NHS: variants seen among roughly 807,000 people sequenced by gnomAD.
NHS encodes the protein NHS actin remodeling regulator.
In NHS, 5 loss-of-function variants were observed where a neutral mutation model predicts 72.5. The observed-to-expected ratio is 0.07, with a 90% CI of 0.04 to 0.14. The LOEUF is 0.14. NHS is among the 10% of genes least tolerant of loss of function. NHS has a pLI of 1.00. For synonymous variants in NHS, 464 were observed against 547.7 expected (o/e 0.85, Z 2.13); for missense variants, 1,072 against 1,355.7 (o/e 0.79, Z 3.29).
At chrX:17,427,654 A>T (rs762508224) in intron 1 of NHS, among the ~76,000 whole-genome samples, 65 of 112,265 alleles carry the variant, frequency 5.8e-4, no homozygotes, top group Admixed American at 1.0e-3. Context: ...TCTGGGATTA[A>T]CTCCAAAGCA....
chrX:17,478,957 G>A lies in NHS; in HGVS notation c.565+102635G>A, dbSNP rs144611997. On this transcript the variant is annotated intron_variant, in intron 1 of 8. Transcript: ENST00000676302. ...TCTGGGATATATGTGCCGAAGGTGC[G>A]GGTTTGTTACATAGGTATACACATG... 6.7e-3 allele frequency among the ~76,000 whole-genome samples: 744 copies of A among 110,738 alleles called. 1 individual carries two copies. The highest frequency in any genetic ancestry group is 9.2e-3 in the Non-Finnish European group (487 of 52,852).
intron 1 of NHS, among the ~76,000 whole-genome samples, chrX:17,435,668 T>A (rs753327901): frequency 4.2e-4 from 48 of 113,101 alleles, no homozygotes; most frequent in African/African-American, 1.3e-3. Context: ...GAGTTGCTGT[T>A]GTTTGTGTTT....
chrX:17,719,682 C>T (rs1026562370), intron 4 of NHS, among the ~76,000 whole-genome samples: 1 of 110,926 alleles, frequency 9.0e-6, no homozygotes, highest in African/African-American at 3.3e-5. Flanking sequence ...GGCAGAGGAA[C>T]CTTTTCCTAT....
chrX:17,477,489 A>G (rs746521037), intron 1 of NHS, among the ~76,000 whole-genome samples: 36 of 111,918 alleles, frequency 3.2e-4, no homozygotes, highest in Non-Finnish European at 4.9e-4. Context: ...CTTTTGGGTG[A>G]TTGCAAGGCC....
Position 17,727,331 on chromosome X carries a change from G to A in NHS, c.3225G>A (p.Leu1075=), listed in dbSNP as rs765769853. The part of the protein sequence containing the change: ...QPSLKDGTIS[L]SKDLELPIIP... ...CTTTAAAAGATGGAACTATATCACT[G>A]AGTAAAGACCTTGAACTTCCAATTA... The change falls in exon 7 of 9, where the codon CTG becomes CTA. Residue 1075 remains leucine, a synonymous_variant. Coordinates refer to ENST00000676302, the MANE Select transcript of NHS (RefSeq NM_001291867.2). The A allele has an allele frequency of 8.3e-7, 1 of 1,211,115 alleles. No homozygotes were observed. Among genetic ancestry groups the A allele is most frequent in the Non-Finnish European group, 1.1e-6 (1 of 894,813 alleles).
chrX:17,437,155 C>T (rs1014776943), intron 1 of NHS, among the ~76,000 whole-genome samples: 2 of 111,214 alleles, frequency 1.8e-5, no homozygotes, highest in African/African-American at 3.3e-5. Flanking sequence ...TGAGAGGATT[C>T]GTTGCACTTT....
chrX:17,477,381 G>C (rs1383382545), intron 1 of NHS, among the ~76,000 whole-genome samples: 1 of 111,933 alleles, frequency 8.9e-6, no homozygotes, highest in African/African-American at 3.2e-5. Context: ...ATAGCAAGGA[G>C]CCCGGTGTGG....
chrX:17,464,921 G>A (rs1452865138), intron 1 of NHS, among the ~76,000 whole-genome samples: 7 of 112,444 alleles, frequency 6.2e-5, no homozygotes, highest in South Asian at 3.7e-4. Context: ...CCAGCTGCAT[G>A]GAAATACCAG....
At position 17,564,983 on chromosome X, in the gene NHS, A is replaced by AT. The variant is rs761329234; in HGVS notation, c.566-122747dup. 2.5e-3 allele frequency among the ~76,000 whole-genome samples: 215 copies of AT among 86,187 alleles called. 2 individuals carry two copies. Among genetic ancestry groups the AT allele is most frequent in the African/African-American group, 7.9e-3 (115 of 14,493 alleles). 74.8% of individuals were successfully genotyped at this position (86,187 alleles called of 115,157 possible). A position where few individuals can be genotyped will look rare whatever the true frequency, so the allele number is the denominator to read the frequency against. ...GGTACAGCCACATTTTTTTTTATTT[A>AT]TTTTTTTTTTTTGCAGCAACTCCCA... On this transcript the variant is annotated intron_variant, in intron 1 of 8. Transcript: ENST00000676302.
At chrX:17,538,559 G>C (rs1200685254) in intron 1 of NHS, among the ~76,000 whole-genome samples, 2 of 111,629 alleles carry the variant, frequency 1.8e-5, no homozygotes, top group Admixed American at 9.5e-5. Context: ...TTTGCTGATT[G>C]CTCCCAGAGA....
At chrX:17,541,248 G>A (rs1207814676) in intron 1 of NHS, among the ~76,000 whole-genome samples, 1 of 112,377 alleles carries the variant, frequency 8.9e-6, no homozygotes, top group African/African-American at 3.2e-5. Flanking sequence ...CTGGAGTTAA[G>A]TAGCAGAGTT....
intron 1 of NHS, chrX:17,635,585 A>G (rs1441788791): frequency 8.6e-7 from 1 of 1,166,785 alleles, no homozygotes; most frequent in South Asian, 1.9e-5. Context: ...GGCCTGCTGC[A>G]TGCCCAAGAA....
intron 1 of NHS, among the ~76,000 whole-genome samples, chrX:17,671,760 C>T (rs1163581881): frequency 8.9e-6 from 1 of 112,032 alleles, no homozygotes; most frequent in Non-Finnish European, 1.9e-5. Context: ...GATAGGATTA[C>T]ATTTGTATAA....
intron 1 of NHS, among the ~76,000 whole-genome samples, chrX:17,535,683 A>G (rs1483316588): frequency 1.8e-5 from 2 of 111,093 alleles, no homozygotes; most frequent in East Asian, 2.8e-4. Context: ...GGCTCAAACA[A>G]TCATTTTGCC....
At chrX:17,550,058 AAATG>A (rs1164103859) in intron 1 of NHS, among the ~76,000 whole-genome samples, 1 of 112,174 alleles carries the variant, frequency 8.9e-6, no homozygotes, top group Non-Finnish European at 1.9e-5. Flanking sequence ...AAATAAATGT[AAATG>A]AACAGGTAAG....
intron 1 of NHS, among the ~76,000 whole-genome samples, chrX:17,640,476 T>A: frequency 8.9e-6 from 1 of 112,107 alleles, no homozygotes; most frequent in Non-Finnish European, 1.9e-5. Flanking sequence ...AACTGGTTCT[T>A]CAGCATCCAG....
chrX:17,477,398 C>G (rs1410870130), intron 1 of NHS, among the ~76,000 whole-genome samples: 2 of 112,002 alleles, frequency 1.8e-5, no homozygotes, highest in Non-Finnish European at 3.8e-5. Context: ...GTGGTCAGAG[C>G]TGCATGGGTA....
intron 1 of NHS, among the ~76,000 whole-genome samples, chrX:17,660,927 G>C (rs747363106): frequency 1.5e-4 from 17 of 112,577 alleles, no homozygotes; most frequent in Non-Finnish European, 2.6e-4. Context: ...CTCAGGAGGA[G>C]TTGATGGTAC....
chrX:17,512,609 G>T (rs911163080), intron 1 of NHS, among the ~76,000 whole-genome samples: 5 of 112,427 alleles, frequency 4.4e-5, no homozygotes, highest in Middle Eastern at 4.6e-3. Flanking sequence ...GCACTTTTCT[G>T]TGTTCACCTA....
Sources: gnomAD v4.1 joint callset for allele counts (sites outside exome capture counted in the v4.1 genomes callset) on GRCh38, gnomAD v4.1.1 for gene constraint, MANE v1.5 for transcripts, NCBI Gene and HGNC (gene_info 2026-07-23, HGNC 2026-07-21) for gene names.